WSB2: variants seen among roughly 807,000 people sequenced by gnomAD.
WSB2 encodes WD repeat and SOCS box-containing protein 2.
In WSB2, 12 loss-of-function variants were observed where a neutral mutation model predicts 48.8. That is an observed-to-expected ratio of 0.25 (90% CI 0.16 to 0.40). The LOEUF is 0.40. WSB2 is among the 10% of genes least tolerant of loss of function. The pLI is 1.00. For missense variants in WSB2, 317 were observed against 506.2 expected, an observed-to-expected ratio of 0.63 and a Z score of 3.59; for synonymous variants, 191 against 203.1, an observed-to-expected ratio of 0.94 and a Z score of 0.51.
At chr12:118,040,477 C>T (rs558328273) in intron 4 of WSB2, among the ~76,000 whole-genome samples, 4 of 152,138 alleles carry the variant, frequency 2.6e-5, no homozygotes, top group African/African-American at 9.6e-5. Context: ...AAAGGCACTG[C>T]CAGCCGAGCG....
intron 1 of WSB2, among the ~76,000 whole-genome samples, chr12:118,058,212 T>C (rs892364142): frequency 1.3e-5 from 2 of 152,300 alleles, no homozygotes; most frequent in East Asian, 3.9e-4. Context: ...TATCAGGACA[T>C]GTACATTAGA....
chr12:118,057,968 C>T (rs1258473237), intron 1 of WSB2, among the ~76,000 whole-genome samples: 2 of 150,628 alleles, frequency 1.3e-5, no homozygotes, highest in Non-Finnish European at 2.9e-5. Flanking sequence ...GGGGGTCTGG[C>T]TATGTTGACC....
chr12:118,048,706 A>G (rs760295592), intron 2 of WSB2, among the ~76,000 whole-genome samples: 1 of 152,110 alleles, frequency 6.6e-6, no homozygotes, highest in African/African-American at 2.4e-5. Flanking sequence ...ATACTCAAAT[A>G]CCTTTTTTCA....
intron 2 of WSB2, among the ~76,000 whole-genome samples, chr12:118,046,329 G>C (rs891153751): frequency 3.9e-5 from 6 of 151,934 alleles, no homozygotes; most frequent in Non-Finnish European, 8.8e-5. Flanking sequence ...CAGGCCTGGT[G>C]GGGGGTGCCT....
chr12:118,040,860 C>T (rs2031621780), intron 4 of WSB2, among the ~76,000 whole-genome samples: 1 of 152,130 alleles, frequency 6.6e-6, no homozygotes, highest in Admixed American at 6.6e-5. Context: ...CCAGCCTGGC[C>T]AACGTGGTGA....
At position 118,032,861 on chromosome 12, in the gene WSB2, G is replaced by A. The variant is rs1242310249; in HGVS notation, c.*1335C>T. 6.6e-6 allele frequency: 1 copy of A among 151,844 alleles called. No homozygotes were observed. The allele number at this position is 151,844 out of a possible 1,614,324, so 9.4% of individuals were successfully genotyped here. ...CCCAGCCCTGCTTGTTTTAAAAGGGGACTTTTTTTTTTCTTAATGGAAAAA... is the reference window on the plus strand; with the variant it reads ...CCCAGCCCTGCTTGTTTTAAAAGGGAACTTTTTTTTTTCTTAATGGAAAAA... On this transcript the variant is annotated 3_prime_UTR_variant, in exon 9 of 9. Transcript: ENST00000315436.
chr12:118,039,956 G>A (rs1311528518), intron 4 of WSB2, among the ~76,000 whole-genome samples: 1 of 151,948 alleles, frequency 6.6e-6, no homozygotes, highest in East Asian at 1.9e-4. Context: ...ATGTTGGCTA[G>A]GCTGGTCTCG....
At chr12:118,039,714 T>A (rs1426398355) in intron 4 of WSB2, among the ~76,000 whole-genome samples, 2 of 152,098 alleles carry the variant, frequency 1.3e-5, no homozygotes, top group Non-Finnish European at 2.9e-5. Context: ...TGCGGATGTA[T>A]GGATCCACAA....
intron 1 of WSB2, among the ~76,000 whole-genome samples, chr12:118,056,297 C>T (rs755166958): frequency 2.9e-4 from 44 of 152,188 alleles, no homozygotes; most frequent in Non-Finnish European, 5.6e-4. Flanking sequence ...TTTGCACCAA[C>T]CATGCCCTTC....
rs1431149688 is a variant in WSB2, at chr12:118,033,018, G to A, written c.*1178C>T. ...GAGGAAATTCCTCAACTTTCTCAAC[G>A]AGTCATGTAACGTTACACTGGCCTC... On this transcript the variant is annotated 3_prime_UTR_variant, in exon 9 of 9. Transcript: ENST00000315436. 6.6e-6 allele frequency: 1 copy of A among 152,060 alleles called. No homozygotes were observed. The highest frequency in any genetic ancestry group is 1.5e-5 in the Non-Finnish European group (1 of 68,012). The allele number at this position is 152,060 out of a possible 1,614,324, so 9.4% of individuals were successfully genotyped here.
chr12:118,045,364 C>CAAAA (rs556626593), intron 2 of WSB2, among the ~76,000 whole-genome samples: 9 of 129,660 alleles, frequency 6.9e-5, no homozygotes, highest in Non-Finnish European at 1.3e-4. Context: ...GACTCCATCT[C>CAAAA]AAAAAAAAAA....
intron 2 of WSB2, 143 bp downstream of exon 2, chr12:118,052,167 A>AC: frequency 8.3e-7 from 1 of 1,206,800 alleles, no homozygotes; most frequent in Non-Finnish European, 1.1e-6. Flanking sequence ...CATATACAGA[A>AC]CTTGGGGCTC....
chr12:118,038,483 G>A, intron 4 of WSB2, 95 bp from the exon 5 acceptor site: 2 of 1,147,660 alleles, frequency 1.7e-6, no homozygotes, highest in Non-Finnish European at 2.5e-6. Context: ...CCCCAGCCCA[G>A]TATACCCATC....
At position 118,034,574 on chromosome 12, in the gene WSB2, G is replaced by GCTCTCTCTCT. The variant is rs368693869; in HGVS notation, c.1053-217_1053-216insAGAGAGAGAG. 1,935 of 529,458 alleles carry GCTCTCTCTCT rather than the reference G, an allele frequency of 3.7e-3. 24 individuals are homozygous for GCTCTCTCTCT. Among genetic ancestry groups the GCTCTCTCTCT allele is most frequent in the African/African-American group, 0.032 (1,684 of 51,836 alleles). The allele number at this position is 529,458 out of a possible 1,614,324, so 32.8% of individuals were successfully genotyped here. ...CTCAAGACACCTGTGATACCAAAGC[G>GCTCTCTCTCT]CTCTCTCTGTCTCTCTCTCGGCACA... On this transcript the variant is annotated intron_variant, in intron 8 of 8. Coordinates refer to ENST00000315436, the MANE Select transcript of WSB2 (RefSeq NM_018639.5).
intron 2 of WSB2, among the ~76,000 whole-genome samples, chr12:118,044,544 C>A (rs2031707517): frequency 6.6e-6 from 1 of 152,134 alleles, no homozygotes; most frequent in Non-Finnish European, 1.5e-5. Flanking sequence ...CTGATGGTAA[C>A]CCGCACAAGG....
chr12:118,061,291 T>G, upstream of WSB2: 1 of 710,644 alleles, frequency 1.4e-6, no homozygotes, highest in East Asian at 1.5e-4. Context: ...AGGGAAAAGA[T>G]GGAAAATCGG....
At chr12:118,052,285 G>C in intron 2 of WSB2, 25 bp downstream of exon 2, 1 of 1,606,946 alleles carries the variant, frequency 6.2e-7, no homozygotes, top group South Asian at 1.1e-5. Context: ...TGCGCCGGAT[G>C]GGGCCCCAGT....
intron 2 of WSB2, among the ~76,000 whole-genome samples, chr12:118,051,621 G>GA (rs1192426439): frequency 2.6e-5 from 4 of 152,132 alleles, no homozygotes; most frequent in Non-Finnish European, 4.4e-5. Context: ...GGGGTTGGGG[G>GA]ATCTAAATTA....
rs2032057322 is a variant in WSB2 at position 118,061,120 on chromosome 12, C to CCCCGCGCCGCCCGCCCCGGCCAGGCCG, written c.-99_-73dup. On this transcript the variant is annotated 5_prime_UTR_variant, in exon 1 of 9. Coordinates refer to ENST00000315436, the MANE Select transcript of WSB2 (RefSeq NM_018639.5). ...CCCGGGCCGCGGGCCCTCATGCCGC[C>CCCCGCGCCGCCCGCCCCGGCCAGGCCG]CCCGCGCCGCCCGCCCCGGCCAGGC... The CCCCGCGCCGCCCGCCCCGGCCAGGCCG allele has an allele frequency of 2.0e-6, 2 of 980,616 alleles. No individual in the cohort carries two copies. Among genetic ancestry groups the CCCCGCGCCGCCCGCCCCGGCCAGGCCG allele is most frequent in the Non-Finnish European group, 2.4e-6 (2 of 828,056 alleles). The allele number at this position is 980,616 out of a possible 1,614,324, so 60.7% of individuals were successfully genotyped here. A position where few individuals can be genotyped will look rare whatever the true frequency, so the allele number is the denominator to read the frequency against.
Sources: gnomAD v4.1 joint callset for allele counts (sites outside exome capture counted in the v4.1 genomes callset) on GRCh38, gnomAD v4.1.1 for gene constraint, MANE v1.5 for transcripts, NCBI Gene and HGNC (gene_info 2026-07-23, HGNC 2026-07-21) for gene names.